Variants in HECTD2 observed in about 807,000 individuals in gnomAD.
The protein encoded by HECTD2 is HECT domain E3 ubiquitin protein ligase 2.
HECTD2 carries 35 observed loss-of-function variants against 103.2 expected under a neutral mutation model. The ratio of observed to expected loss-of-function variants is 0.34; its 90% CI spans 0.26 to 0.45. The LOEUF (loss-of-function observed/expected upper bound fraction) is 0.45, where lower values mean the gene tolerates loss of function less well. Ranked by LOEUF, HECTD2 falls within the 20% of genes least tolerant of loss-of-function variation. The pLI, the probability that HECTD2 is intolerant of heterozygous loss-of-function variation, is 1.00. For synonymous variants in HECTD2, 281 were observed against 329.9 expected (o/e 0.85, Z 1.61); for missense variants, 596 against 937.4 (o/e 0.64, Z 4.76).
intron 1 of HECTD2, among the ~76,000 whole-genome samples, chr10:91,412,948 G>A (rs1194192382): frequency 1.3e-5 from 2 of 152,022 alleles, no homozygotes; most frequent in Non-Finnish European, 2.9e-5. Flanking sequence ...TCAGCCTCCT[G>A]TAGATTAAAT....
At chr10:91,440,150 T>C (rs1201040284) in intron 2 of HECTD2, among the ~76,000 whole-genome samples, 1 of 151,750 alleles carries the variant, frequency 6.6e-6, no homozygotes, top group African/African-American at 2.4e-5. Context: ...CATCCTTGTC[T>C]TGTGTCAGTT....
chr10:91,504,645 G>A (rs1175613813), intron 20 of HECTD2, among the ~76,000 whole-genome samples: 8 of 151,906 alleles, frequency 5.3e-5, no homozygotes, highest in East Asian at 1.9e-4. Context: ...CCAAATCTAC[G>A]TCTGATTGGT....
In HECTD2 at chr10:91,498,930, A is replaced by T; in HGVS notation, c.1814A>T (p.Lys605Ile). The T allele has an allele frequency of 6.2e-7, 1 of 1,605,844 alleles. No homozygotes were observed. Among genetic ancestry groups the T allele is most frequent in the Non-Finnish European group, 8.5e-7 (1 of 1,174,252 alleles). Residue 605 changes from lysine to isoleucine, a missense_variant, in exon 17 of 21, where the codon AAA becomes ATA. Lys to Ile is a moderately radical substitution (Grantham distance 102). Coordinates refer to ENST00000298068, the MANE Select transcript of HECTD2 (RefSeq NM_182765.6). The stretch of plus-strand genomic sequence containing the variant: ...TATAATTTAAAGCCCGGTGGTGATA[A>T]AATTTCAGTTACCAATCAAAATAGA... ...KSYNLKPGGD[K>I]ISVTNQNRKE...
chr10:91,464,285 TA>T (rs889049521), intron 5 of HECTD2, among the ~76,000 whole-genome samples: 21 of 152,280 alleles, frequency 1.4e-4, no homozygotes, highest in African/African-American at 5.1e-4. Context: ...CAAGGATTGG[TA>T]AACAGAGAAG....
chr10:91,504,865 G>A (rs900360798), intron 20 of HECTD2, among the ~76,000 whole-genome samples: 3 of 152,018 alleles, frequency 2.0e-5, no homozygotes, highest in African/African-American at 4.8e-5. Context: ...AAATGTTAAG[G>A]GCAGCCAGAG....
intron 16 of HECTD2, among the ~76,000 whole-genome samples, chr10:91,498,509 T>C (rs951315429): frequency 3.3e-5 from 5 of 152,208 alleles, no homozygotes; most frequent in African/African-American, 1.2e-4. Flanking sequence ...TAGAAACTAA[T>C]GAGTCAGACC....
intron 2 of HECTD2, among the ~76,000 whole-genome samples, chr10:91,449,801 C>T (rs1174734592): frequency 1.3e-5 from 2 of 151,614 alleles, no homozygotes; most frequent in Non-Finnish European, 2.9e-5. Context: ...AATAAAATAC[C>T]TAGCAATACA....
At position 91,444,186 on chromosome 10, in the gene HECTD2, C is replaced by A. The variant is rs530211207; in HGVS notation, c.269-16241C>A. On this transcript the variant is annotated intron_variant, in intron 2 of 20. Coordinates refer to ENST00000298068, the MANE Select transcript of HECTD2 (RefSeq NM_182765.6). ...TTCCCAACCTGGCTATAAACACCTA[C>A]AATTAAATACAAACAGATTCATTCA... 5.1e-4 allele frequency among the ~76,000 whole-genome samples: 77 copies of A among 152,240 alleles called. 1 individual carries two copies. In the South Asian group the frequency reaches 0.015, roughly 30 times the overall value.
intron 2 of HECTD2, among the ~76,000 whole-genome samples, chr10:91,450,379 A>T (rs1041473303): frequency 6.6e-6 from 1 of 152,132 alleles, no homozygotes; most frequent in Non-Finnish European, 1.5e-5. Flanking sequence ...TTAACTCAAG[A>T]TGGATTAAAA....
chr10:91,429,289 A>G (rs1242825120), intron 2 of HECTD2, among the ~76,000 whole-genome samples: 1 of 152,166 alleles, frequency 6.6e-6, no homozygotes, highest in Non-Finnish European at 1.5e-5. Flanking sequence ...CCAGTATTTT[A>G]TTGAGGATTT....
chr10:91,417,975 CCCA>C (rs1275590327), intron 1 of HECTD2, among the ~76,000 whole-genome samples: 1 of 152,130 alleles, frequency 6.6e-6, no homozygotes, highest in Non-Finnish European at 1.5e-5. Context: ...AGTTTACAGT[CCCA>C]CCAACAGTGT....
At chr10:91,479,116 G>A (rs543964425) in intron 6 of HECTD2, among the ~76,000 whole-genome samples, 145 of 152,278 alleles carry the variant, frequency 9.5e-4, no homozygotes, top group African/African-American at 3.3e-3. Context: ...TCAGGAGGCT[G>A]AGGCAGGAGA....
chr10:91,497,829 T>C (rs1186738527), intron 15 of HECTD2, among the ~76,000 whole-genome samples: 2 of 152,206 alleles, frequency 1.3e-5, no homozygotes, highest in Non-Finnish European at 2.9e-5. Flanking sequence ...CAGTGAATTA[T>C]GACAGACACT....
chr10:91,426,196 G>T (rs1320130496), intron 2 of HECTD2, among the ~76,000 whole-genome samples: 1 of 152,032 alleles, frequency 6.6e-6, no homozygotes, highest in Non-Finnish European at 1.5e-5. Flanking sequence ...CAGGGAGGTA[G>T]AATTGTGTAT....
chr10:91,416,307 GAAA>G (rs1026711046), intron 1 of HECTD2, among the ~76,000 whole-genome samples: 2 of 152,060 alleles, frequency 1.3e-5, no homozygotes, highest in African/African-American at 4.8e-5. Flanking sequence ...AAAACATTTA[GAAA>G]AAAACCTTGT....
chr10:91,481,176 C>G (rs1404508366), intron 7 of HECTD2, 37 bp downstream of exon 7: 13 of 1,129,826 alleles, frequency 1.2e-5, no homozygotes, highest in Non-Finnish European at 1.7e-5. Flanking sequence ...TTGTCTAAGT[C>G]AGATCTCAAT....
At chr10:91,409,266 G>A (rs531150246), upstream of HECTD2, 88 of 152,302 alleles carry the variant, frequency 5.8e-4, no homozygotes, top group African/African-American at 1.8e-3. Flanking sequence ...AAAGGAAAAG[G>A]AGGGGGCGAC....
chr10:91,465,826 C>T (rs1481867473), intron 5 of HECTD2, among the ~76,000 whole-genome samples: 1 of 152,016 alleles, frequency 6.6e-6, no homozygotes, highest in Admixed American at 6.6e-5. Context: ...ATTTTTGGTT[C>T]AATCTGCTAA....
At chr10:91,450,075 A>G (rs1034321490) in intron 2 of HECTD2, among the ~76,000 whole-genome samples, 8 of 152,224 alleles carry the variant, frequency 5.3e-5, no homozygotes, top group African/African-American at 1.9e-4. Flanking sequence ...AGTCAAGACA[A>G]TCCTAAGCAA....
Sources: gnomAD v4.1 joint callset for allele counts (sites outside exome capture counted in the v4.1 genomes callset) on GRCh38, gnomAD v4.1.1 for gene constraint, MANE v1.5 for transcripts, NCBI Gene and HGNC (gene_info 2026-07-23, HGNC 2026-07-21) for gene names.